The following GLI3 variants were observed in gnomAD, a reference collection of about 807,000 sequenced individuals.
GLI3 encodes transcription activator GLI3.
GLI3 carries 20 observed loss-of-function variants against 100.8 expected under a neutral mutation model. The observed-to-expected ratio is 0.20, with a 90% confidence interval of 0.14 to 0.29. GLI3 has a LOEUF of 0.29. GLI3 is among the 10% of genes least tolerant of loss of function. GLI3 has a pLI of 1.00. For missense variants in GLI3, 2,040 were observed against 2,128.5 expected, an observed-to-expected ratio of 0.96 and a Z score of 0.82; for synonymous variants, 938 against 860.5, an observed-to-expected ratio of 1.09 and a Z score of -1.58.
At chr7:42,189,777 C>T (rs548144979) in intron 2 of GLI3, among the ~76,000 whole-genome samples, 1 of 152,256 alleles carries the variant, frequency 6.6e-6, no homozygotes, top group East Asian at 1.9e-4. Context: ...GCAGGAGTCT[C>T]TCTTCCTCTC....
chr7:42,081,932 C>T (rs1785004808), intron 3 of GLI3, among the ~76,000 whole-genome samples: 1 of 151,904 alleles, frequency 6.6e-6, no homozygotes. Flanking sequence ...GTCGTCTGTA[C>T]CCTGGCCTTG....
intron 10 of GLI3, among the ~76,000 whole-genome samples, chr7:42,007,975 T>G (rs1295291962): frequency 6.6e-6 from 1 of 152,198 alleles, no homozygotes; most frequent in Non-Finnish European, 1.5e-5. Context: ...GTTATAAAAC[T>G]GAGATGATAT....
chr7:42,165,329 C>T (rs893164921), intron 2 of GLI3, among the ~76,000 whole-genome samples: 2 of 152,148 alleles, frequency 1.3e-5, no homozygotes, highest in Non-Finnish European at 2.9e-5. Flanking sequence ...TGGTATAATA[C>T]TTACCTATCC....
At chr7:42,199,330 A>C (rs1787991857) in intron 2 of GLI3, among the ~76,000 whole-genome samples, 1 of 152,252 alleles carries the variant, frequency 6.6e-6, no homozygotes, top group South Asian at 2.1e-4. Flanking sequence ...AATAACAGGC[A>C]TCAGGCAAGA....
At chr7:42,240,874 G>A (rs768510737), upstream of GLI3, among the ~76,000 whole-genome samples, 24 of 152,262 alleles carry the variant, frequency 1.6e-4, no homozygotes, top group Admixed American at 8.5e-4. Flanking sequence ...CAAACTTCAC[G>A]TGCTCCTCTG....
At chr7:42,241,247 G>T (rs992590499), upstream of GLI3, among the ~76,000 whole-genome samples, 1 of 152,174 alleles carries the variant, frequency 6.6e-6, no homozygotes, top group Non-Finnish European at 1.5e-5. Flanking sequence ...GAGGAAGGTG[G>T]CCAGAGGCAG....
chr7:42,230,100 G>GA (rs1407962671), intron 1 of GLI3, among the ~76,000 whole-genome samples: 1 of 30,040 alleles, frequency 3.3e-5, no homozygotes, highest in Non-Finnish European at 8.0e-5. Context: ...GGGTTGGGCG[G>GA]GGGGGGGGGG....
intron 2 of GLI3, among the ~76,000 whole-genome samples, chr7:42,201,150 T>C (rs1788030721): frequency 6.6e-6 from 1 of 152,166 alleles, no homozygotes; most frequent in African/African-American, 2.4e-5. Context: ...CAATAACTAA[T>C]AATAAAATAG....
intron 3 of GLI3, among the ~76,000 whole-genome samples, chr7:42,096,753 G>A (rs1025659257): frequency 6.6e-6 from 1 of 152,166 alleles, no homozygotes; most frequent in Non-Finnish European, 1.5e-5. Context: ...AGGGCCCAGA[G>A]AACTCTGCCA....
intron 3 of GLI3, among the ~76,000 whole-genome samples, chr7:42,078,201 T>C (rs188029273): frequency 3.1e-4 from 47 of 152,334 alleles, no homozygotes; most frequent in African/African-American, 1.1e-3. Context: ...TGGATGATTA[T>C]TAGATGTGTG....
At chr7:42,062,628 A>C (rs1167171741) in intron 4 of GLI3, among the ~76,000 whole-genome samples, 1 of 152,050 alleles carries the variant, frequency 6.6e-6, no homozygotes, top group Non-Finnish European at 1.5e-5. Flanking sequence ...TCTCCCATCC[A>C]GGTTTGTGCA....
intron 3 of GLI3, among the ~76,000 whole-genome samples, chr7:42,147,350 G>C (rs1303598443): frequency 1.3e-5 from 2 of 152,184 alleles, no homozygotes; most frequent in African/African-American, 2.4e-5. Flanking sequence ...ATGTGGAAAA[G>C]GGGAAACACA....
At chr7:42,076,111 TG>T (rs558071846) in intron 4 of GLI3, among the ~76,000 whole-genome samples, 230 of 152,340 alleles carry the variant, frequency 1.5e-3, no homozygotes, top group African/African-American at 5.1e-3. Flanking sequence ...AAAAAAATAC[TG>T]TTTTACTTTG....
At chr7:42,236,019 A>G (rs1788783625) in intron 1 of GLI3, among the ~76,000 whole-genome samples, 1 of 150,890 alleles carries the variant, frequency 6.6e-6, no homozygotes, top group African/African-American at 2.4e-5. Flanking sequence ...TCAGGCAGGG[A>G]AGCCTGGGGT....
In GLI3 at chr7:41,962,060, G is replaced by C. The variant is rs753954086; in HGVS notation, c.*2270C>G. The C allele has an allele frequency of 6.6e-6, 1 of 152,222 alleles. No individual in the cohort carries two copies. The highest frequency in any genetic ancestry group is 1.5e-5 in the Non-Finnish European group (1 of 68,046). 9.4% of individuals were successfully genotyped at this position (152,222 alleles called of 1,614,324 possible). On this transcript the variant is annotated 3_prime_UTR_variant, in exon 15 of 15. Transcript: ENST00000395925. ...AGAGCAGAAGCACAAGACAACAACAGTGGTGGGCCGGATCACTGTGCATCC... is the reference window on the plus strand; with the variant it reads ...AGAGCAGAAGCACAAGACAACAACACTGGTGGGCCGGATCACTGTGCATCC...
At chr7:42,108,513 GAGT>G (rs1282820550) in intron 3 of GLI3, among the ~76,000 whole-genome samples, 1 of 152,176 alleles carries the variant, frequency 6.6e-6, no homozygotes, top group African/African-American at 2.4e-5. Context: ...TTGGTGAGCA[GAGT>G]ATGTGTTCAA....
chr7:42,129,809 A>T (rs972844973), intron 3 of GLI3, among the ~76,000 whole-genome samples: 2 of 151,942 alleles, frequency 1.3e-5, no homozygotes, highest in African/African-American at 4.8e-5. Context: ...GACTCCATCT[A>T]AAAAACAAAA....
At chr7:42,142,912 G>A (rs1045669007) in intron 3 of GLI3, among the ~76,000 whole-genome samples, 1 of 146,320 alleles carries the variant, frequency 6.8e-6, no homozygotes, top group Non-Finnish European at 1.5e-5. Flanking sequence ...GCACAGCCTG[G>A]GCGAGAGCAA....
intron 3 of GLI3, among the ~76,000 whole-genome samples, chr7:42,087,170 G>A (rs537977971): frequency 1.3e-5 from 2 of 152,220 alleles, no homozygotes; most frequent in Non-Finnish European, 2.9e-5. Flanking sequence ...TGGTGGACCA[G>A]GCTAGCCATC....
Sources: gnomAD v4.1 joint callset for allele counts (sites outside exome capture counted in the v4.1 genomes callset) on GRCh38, gnomAD v4.1.1 for gene constraint, MANE v1.5 for transcripts, NCBI Gene and HGNC (gene_info 2026-07-23, HGNC 2026-07-21) for gene names.